SNAPC4: variants seen among roughly 807,000 people sequenced by gnomAD.
The protein encoded by SNAPC4 is small nuclear RNA activating complex polypeptide 4.
Under a neutral mutation model 151.3 loss-of-function variants are expected in SNAPC4, and 127 were observed. The observed-to-expected ratio is 0.84, with a 90% CI of 0.73 to 0.97. The LOEUF is 0.97. Among genes scored for constraint, SNAPC4 ranks in the 50% least tolerant of loss-of-function variants. SNAPC4 has a pLI of 0.00. For missense variants in SNAPC4, 2,186 were observed against 1,935.0 expected (o/e 1.13, Z -2.43); for synonymous variants, 1,002 against 824.4 (o/e 1.22, Z -3.69).
intron 6 of SNAPC4, 28 bp downstream of exon 6, chr9:136,394,772 G>C (rs1196357708): frequency 2.5e-6 from 4 of 1,605,754 alleles, no homozygotes; most frequent in African/African-American, 2.7e-5. Flanking sequence ...AAGCTCAGGG[G>C]TGCCGCAGGG....
rs1180380621 is a variant in SNAPC4, at chr9:136,381,831, C to G, written c.2310G>C (p.Gln770His). 6.2e-7 allele frequency: 1 copy of G among 1,611,838 alleles called. No individual in the cohort carries two copies. The highest frequency in any genetic ancestry group is 2.2e-5 in the East Asian group (1 of 44,882). The change falls in exon 18 of 24, where the codon CAG (glutamine) becomes CAC (histidine). Residue 770 changes from glutamine to histidine, a missense_variant. By Grantham distance (24) the Gln-to-His change is conservative. Transcript: ENST00000684778. ...TQASQRPAVV[Q>H]TQADGLREQL... ...AGGAGCCCCAGGCCATACCTTGAGT[C>G]TGCACTACGGCGGGTCTCTGGGAAG... is the stretch of plus-strand genomic sequence containing the variant.
Position 136,392,588 on chromosome 9 carries a change from A to G in SNAPC4, c.744T>C (p.Leu248=), listed in dbSNP as rs772802309. ...TGTTTCCCAGCAAGGCCTCTTCTGG[A>G]AGCTGGCTGGTGGAAGGGATGAGGG... ...AEKEIQDINQ[L]PEEALLGNRL... Residue 248 remains leucine (L), a synonymous_variant, in exon 9 of 24, where the codon CTT becomes CTC. Transcript: ENST00000684778. 3 of 1,613,784 alleles carry G rather than the reference A, an allele frequency of 1.9e-6. No individual in the cohort carries two copies. The highest frequency in any genetic ancestry group is 2.5e-6 in the Non-Finnish European group (3 of 1,179,982).
chr9:136,378,086 A>T lies in SNAPC4; in HGVS notation c.3741T>A (p.Pro1247=). The T allele has an allele frequency of 6.3e-7, 1 of 1,582,820 alleles. No homozygotes were observed. Among genetic ancestry groups the T allele is most frequent in the Non-Finnish European group, 8.6e-7 (1 of 1,165,232 alleles). ...LEKLPLRQPG[P]EKGALDLEKP... Reference sequence around the variant, plus strand: ...TCTCCAGGTCCAGGGCCCCCTTCTCAGGCCCAGGCTGGCGCAGGGGCAGCT... The same window carrying T: ...TCTCCAGGTCCAGGGCCCCCTTCTCTGGCCCAGGCTGGCGCAGGGGCAGCT... Residue 1247 remains proline (P), a synonymous_variant, in exon 22 of 24, where the codon CCT becomes CCA. Coordinates refer to ENST00000684778, the MANE Select transcript of SNAPC4 (RefSeq NM_003086.4).
intron 10 of SNAPC4, among the ~76,000 whole-genome samples, chr9:136,389,038 G>A (rs34626699): frequency 0.087 from 13,265 of 152,230 alleles, 805 homozygotes; most frequent in Admixed American, 0.2. Context: ...ATGGGGTGGA[G>A]GAGGTACGGG....
In SNAPC4 at chr9:136,387,785, T is replaced by G; in HGVS notation, c.1187A>C (p.Asp396Ala). 3 of 1,613,034 alleles carry G rather than the reference T, an allele frequency of 1.9e-6. No individual in the cohort carries two copies. The highest frequency in any genetic ancestry group is 2.5e-6 in the Non-Finnish European group (3 of 1,179,110). The part of the protein sequence containing the change: ...QLIYRWTKSL[D>A]PGLKKGYWAP... ...CCAGTAACCCTTCTTCAGACCAGGA[T>G]CCAAGCTCTTGGTCCATCGGTAGAT... Residue 396 changes from aspartate (D) to alanine (A), a missense_variant, in exon 12 of 24, where the codon GAT becomes GCT. Coordinates refer to ENST00000684778, the MANE Select transcript of SNAPC4 (RefSeq NM_003086.4).
chr9:136,381,946 C>A lies in SNAPC4; in HGVS notation c.2195G>T (p.Arg732Ile). ...RATQSGQRRWRHALHRRLLNR... is the reference protein window; with the variant it reads ...RATQSGQRRWIHALHRRLLNR... The stretch of plus-strand genomic sequence containing the variant: ...CAGGAGCCTCCGGTGCAGAGCGTGT[C>A]TCCAGCGCCGCTGCCCACTCTGGGT... Residue 732 changes from arginine (R) to isoleucine (I), a missense_variant, in exon 18 of 24, where the codon AGA becomes ATA. Coordinates refer to ENST00000684778, the MANE Select transcript of SNAPC4 (RefSeq NM_003086.4). 6.2e-7 allele frequency: 1 copy of A among 1,612,608 alleles called. No individual in the cohort carries two copies. Among genetic ancestry groups the A allele is most frequent in the Non-Finnish European group, 8.5e-7 (1 of 1,179,972 alleles).
intron 23 of SNAPC4, 73 bp downstream of exon 23, chr9:136,376,276 A>G (rs907325380): frequency 3.8e-6 from 6 of 1,559,000 alleles, no homozygotes; most frequent in Non-Finnish European, 5.3e-6. Context: ...AGCAGAGGCC[A>G]AGGCCCCCTG....
rs1479436366 is a variant in SNAPC4 at position 136,377,723 on chromosome 9, G to A, written c.4104C>T (p.Phe1368=). 1.9e-6 allele frequency: 3 copies of A among 1,609,186 alleles called. No homozygotes were observed. In the South Asian group the frequency reaches 3.3e-5, roughly 18 times the overall value. The change falls in exon 22 of 24, where the codon TTC becomes TTT. Residue 1368 remains phenylalanine, a synonymous_variant. Coordinates refer to ENST00000684778, the MANE Select transcript of SNAPC4 (RefSeq NM_003086.4). The stretch of plus-strand genomic sequence containing the variant: ...GCGCAGGGAGGGTGAAGGCTGCCAG[G>A]AACCGCGCCCGCAACAGGAGGTAGG... ...NPAYLLLRAR[F]LAAFTLPALL...
chr9:136,382,765 C>A (rs1833745794), intron 16 of SNAPC4, among the ~76,000 whole-genome samples: 1 of 152,220 alleles, frequency 6.6e-6, no homozygotes, highest in Admixed American at 6.5e-5. Context: ...ATGGGCCTGA[C>A]ACGGTGAAGA....
In SNAPC4 at chr9:136,378,454, G is replaced by A. The variant is rs751508621; in HGVS notation, c.3373C>T (p.Pro1125Ser). Residue 1125 changes from proline (P) to serine (S), a missense_variant, in exon 22 of 24, where the codon CCC (proline) becomes TCC (serine). By Grantham distance (74) the Pro-to-Ser change is moderately conservative. Transcript: ENST00000684778. The part of the protein sequence containing the change: ...PLTETRAAQG[P>S]RAPALSSSWQ... ...GAGCTGCTCAACGCTGGGGCCCTGG[G>A]GCCCTGGGCCGCCCGAGTCTCAGTC... 1 of 1,588,972 alleles carries A rather than the reference G, an allele frequency of 6.3e-7. No individual in the cohort carries two copies. The highest frequency in any genetic ancestry group is 1.7e-5 in the Admixed American group (1 of 58,522).
At chr9:136,390,246 T>A (rs752562284) in intron 10 of SNAPC4, among the ~76,000 whole-genome samples, 29 of 151,858 alleles carry the variant, frequency 1.9e-4, no homozygotes, top group Non-Finnish European at 3.5e-4. Flanking sequence ...AAATGACGAT[T>A]TGTTAAAAGG....
At chr9:136,380,118 C>T (rs890769799) in intron 20 of SNAPC4, among the ~76,000 whole-genome samples, 6 of 152,206 alleles carry the variant, frequency 3.9e-5, no homozygotes, top group South Asian at 4.1e-4. Context: ...ACACGCTCTG[C>T]ACCGGAGGCT....
intron 22 of SNAPC4, 110 bp downstream of exon 22, chr9:136,377,433 C>G: frequency 1.5e-6 from 2 of 1,344,648 alleles, no homozygotes; most frequent in Non-Finnish European, 2.0e-6. Flanking sequence ...CAGCAGCCAG[C>G]CTTCCTGCCC....
At chr9:136,390,613 G>A (rs560830448) in intron 10 of SNAPC4, among the ~76,000 whole-genome samples, 1 of 150,026 alleles carries the variant, frequency 6.7e-6, no homozygotes, top group Admixed American at 6.6e-5. Flanking sequence ...AACGCAAGCT[G>A]GGCTGAATCC....
In SNAPC4 at chr9:136,384,808, G is replaced by C; in HGVS notation, c.1332C>G (p.Leu444=). ...TTTTCAAGCTGAAATGTAATCTCCTGAGATACCTGAACGTGACATGAAAAG... is the reference window on the plus strand; with the variant it reads ...TTTTCAAGCTGAAATGTAATCTCCTCAGATACCTGAACGTGACATGAAAAG... The part of the protein sequence containing the change: ...RSDAQCRDRY[L]RRLHFSLKKG... Residue 444 remains leucine, a synonymous_variant, in exon 14 of 24, where the codon CTC becomes CTG. Transcript: ENST00000684778. 1.3e-6 allele frequency: 2 copies of C among 1,574,830 alleles called. No individual in the cohort carries two copies. Among genetic ancestry groups the C allele is most frequent in the Non-Finnish European group, 1.7e-6 (2 of 1,155,364 alleles).
At chr9:136,398,590 A>G (rs538042300) in intron 1 of SNAPC4, 153 bp from the exon 2 acceptor site, 2 of 817,352 alleles carry the variant, frequency 2.4e-6, no homozygotes, top group Admixed American at 5.0e-5. Context: ...CAGGCACAGA[A>G]TCGGGGAACC....
intron 11 of SNAPC4, 55 bp downstream of exon 11, chr9:136,388,389 T>C: frequency 6.3e-7 from 1 of 1,579,346 alleles, no homozygotes; most frequent in Non-Finnish European, 8.6e-7. Flanking sequence ...GTCTCCAGTG[T>C]CCTGATATGG....
chr9:136,392,188 C>T, intron 9 of SNAPC4, 82 bp from the exon 10 acceptor site: 1 of 1,545,302 alleles, frequency 6.5e-7, no homozygotes, highest in Non-Finnish European at 8.8e-7. Context: ...AGCTGTTGCT[C>T]TCCGCCAGCT....
intron 16 of SNAPC4, among the ~76,000 whole-genome samples, chr9:136,382,547 C>T (rs919742814): frequency 2.6e-5 from 4 of 152,220 alleles, no homozygotes; most frequent in East Asian, 1.9e-4. Flanking sequence ...GGGACATTAA[C>T]AGGGTCCCAT....
Sources: gnomAD v4.1 joint callset for allele counts (sites outside exome capture counted in the v4.1 genomes callset) on GRCh38, gnomAD v4.1.1 for gene constraint, MANE v1.5 for transcripts, NCBI Gene and HGNC (gene_info 2026-07-23, HGNC 2026-07-21) for gene names.